Variants in PBRM1 observed in about 807,000 individuals in gnomAD.
PBRM1 encodes the protein protein polybromo-1.
In PBRM1, 27 loss-of-function variants were observed where a neutral mutation model predicts 194.5. The observed-to-expected ratio is 0.14, with a 90% CI of 0.10 to 0.19. PBRM1 has a LOEUF of 0.19. Ranked by LOEUF, PBRM1 falls within the 10% of genes least tolerant of loss-of-function variation. The probability of loss-of-function intolerance (pLI) is 1.00; values close to 1 mark genes in which losing one functional copy is unlikely to be tolerated. For missense variants in PBRM1, 1,466 were observed against 2,077.2 expected, an observed-to-expected ratio of 0.71 and a Z score of 5.72; for synonymous variants, 655 against 693.2, an observed-to-expected ratio of 0.94 and a Z score of 0.87.
chr3:52,684,418 TAG>T (rs1278885474), upstream of PBRM1, among the ~76,000 whole-genome samples: 3 of 152,168 alleles, frequency 2.0e-5, no homozygotes, highest in Non-Finnish European at 4.4e-5. Context: ...TTATGAACTT[TAG>T]CCCTCTCCTA....
At chr3:52,666,932 T>C (rs1341577774) in intron 3 of PBRM1, among the ~76,000 whole-genome samples, 1 of 148,992 alleles carries the variant, frequency 6.7e-6, no homozygotes, top group African/African-American at 2.5e-5. Flanking sequence ...GTAATTAAGA[T>C]AGAAATAGAA....
intron 8 of PBRM1, 137 bp from the exon 10 acceptor site, chr3:52,643,480 AGACTCTGCTTCAGGCCCTGGG>A: frequency 1.6e-6 from 1 of 640,180 alleles, no homozygotes; most frequent in South Asian, 1.8e-5. Context: ...ACTATGCAGC[AGACTCTGCTTCAGGCCCTGGG>A]GACTCTGCGG....
At chr3:52,584,454 T>TTC (rs2092021684) in intron 20 of PBRM1, among the ~76,000 whole-genome samples, 1 of 134,184 alleles carries the variant, frequency 7.5e-6, no homozygotes, top group African/African-American at 2.9e-5. Context: ...TTCTTGCTTT[T>TTC]TTTTTTTTTT....
At chr3:52,586,552 G>C (rs1346914147) in exon 20 of PBRM1, 2 of 1,613,996 alleles carry the variant, frequency 1.2e-6, no homozygotes, top group African/African-American at 1.3e-5. Flanking sequence ...CACATCCCGA[G>C]GGACAAACCT....
intron 25 of PBRM1, among the ~76,000 whole-genome samples, chr3:52,561,506 G>C (rs1284549122): frequency 6.6e-6 from 1 of 152,170 alleles, no homozygotes; most frequent in Admixed American, 6.5e-5. Flanking sequence ...AAAAAATCAT[G>C]CAATTTTTAG....
At chr3:52,558,345 A>T (rs1463927694) in exon 26 of PBRM1, 2 of 1,550,058 alleles carry the variant, frequency 1.3e-6, no homozygotes, top group East Asian at 4.9e-5. Flanking sequence ...GCTCGGGGAG[A>T]AGCACTCGGC....
chr3:52,655,219 A>G (rs1277268471), intron 5 of PBRM1, among the ~76,000 whole-genome samples: 1 of 152,122 alleles, frequency 6.6e-6, no homozygotes, highest in Non-Finnish European at 1.5e-5. Context: ...GAAACTCTGT[A>G]CATATTAAAC....
chr3:52,640,984 T>C (rs955392407), intron 10 of PBRM1, among the ~76,000 whole-genome samples: 2 of 152,118 alleles, frequency 1.3e-5, no homozygotes, highest in African/African-American at 4.8e-5. Flanking sequence ...AACAAGAAGA[T>C]AATATTTTTT....
chr3:52,625,013 C>T, intron 13 of PBRM1, 72 bp from the exon 15 acceptor site: 1 of 995,966 alleles, frequency 1.0e-6, no homozygotes, highest in Admixed American at 2.0e-5. Context: ...CATGTACAAA[C>T]CATGTATGGT....
chr3:52,669,279 T>C (rs2096902033), intron 2 of PBRM1, among the ~76,000 whole-genome samples: 1 of 152,080 alleles, frequency 6.6e-6, no homozygotes, highest in Non-Finnish European at 1.5e-5. Flanking sequence ...AAATTTGGCT[T>C]AGTGGTTATA....
chr3:52,637,849 G>T (rs2153675222), intron 10 of PBRM1, among the ~76,000 whole-genome samples: 1 of 149,550 alleles, frequency 6.7e-6, no homozygotes, highest in African/African-American at 2.5e-5. Flanking sequence ...CGGAGGCTGA[G>T]GCAGGAGAAT....
At chr3:52,604,315 T>C (rs1031996593) in intron 16 of PBRM1, among the ~76,000 whole-genome samples, 1 of 152,192 alleles carries the variant, frequency 6.6e-6, no homozygotes, top group Admixed American at 6.5e-5. Context: ...AACTGTGTAA[T>C]TCTGGGGAAC....
intron 17 of PBRM1, among the ~76,000 whole-genome samples, chr3:52,601,174 G>A (rs900056598): frequency 6.6e-6 from 1 of 152,226 alleles, no homozygotes; most frequent in East Asian, 1.9e-4. Context: ...TTTGAATCTG[G>A]GTTTGTACAG....
chr3:52,625,167 T>TA (rs1191011845), intron 13 of PBRM1, among the ~76,000 whole-genome samples: 11 of 152,024 alleles, frequency 7.2e-5, no homozygotes, highest in Admixed American at 4.6e-4. Flanking sequence ...TCTTTAGTAT[T>TA]AAAAAAAAGG....
At chr3:52,550,218 AAAAACAAAAC>A (rs144534586) in intron 29 of PBRM1, among the ~76,000 whole-genome samples, 193 bp downstream of exon 31, 1 of 151,996 alleles carries the variant, frequency 6.6e-6, no homozygotes, top group South Asian at 2.1e-4. Context: ...ACCCTGTCTC[AAAAACAAAAC>A]AAAACAAAAC....
intron 15 of PBRM1, among the ~76,000 whole-genome samples, chr3:52,611,704 C>A (rs879263753): frequency 6.6e-6 from 1 of 151,896 alleles, no homozygotes; most frequent in Admixed American, 6.6e-5. Context: ...ACCCGAGAGG[C>A]TAAAGTGGAA....
At chr3:52,571,854 C>CA (rs1213492912) in intron 22 of PBRM1, among the ~76,000 whole-genome samples, 2,555 of 36,592 alleles carry the variant, frequency 0.07, 931 homozygotes, top group South Asian at 0.11. Flanking sequence ...ACCTCATCTC[C>CA]CCAAAAAAAA....
chr3:52,629,094 C>A, intron 11 of PBRM1, 59 bp from the exon 13 acceptor site: 1 of 1,355,870 alleles, frequency 7.4e-7, no homozygotes, highest in Non-Finnish European at 1.0e-6. Context: ...AAACATTCTT[C>A]CTGAAAGTCC....
chr3:52,618,786 T>C (rs1301051178), intron 13 of PBRM1, among the ~76,000 whole-genome samples: 1 of 151,640 alleles, frequency 6.6e-6, no homozygotes, highest in African/African-American at 2.4e-5. Context: ...AGTTTCACTC[T>C]TGTTGCCCAG....
Sources: gnomAD v4.1 joint callset for allele counts (sites outside exome capture counted in the v4.1 genomes callset) on GRCh38, gnomAD v4.1.1 for gene constraint, MANE v1.5 for transcripts, NCBI Gene and HGNC (gene_info 2026-07-23, HGNC 2026-07-21) for gene names.